Variants in SEPTIN9 observed in about 807,000 individuals in gnomAD.
The protein encoded by SEPTIN9 is septin-9.
In SEPTIN9, 13 loss-of-function variants were observed where a neutral mutation model predicts 56.6. The observed-to-expected ratio is 0.23, with a 90% CI of 0.15 to 0.37. The LOEUF is 0.37. SEPTIN9 is among the 10% of genes least tolerant of loss of function. The pLI, the probability that SEPTIN9 is intolerant of heterozygous loss-of-function variation, is 1.00. For missense variants in SEPTIN9, 650 were observed against 823.1 expected (o/e 0.79, Z 2.57); for synonymous variants, 332 against 334.1 (o/e 0.99, Z 0.07).
At chr17:77,394,240 G>C (rs1461526889) in intron 2 of SEPTIN9, among the ~76,000 whole-genome samples, 1 of 152,170 alleles carries the variant, frequency 6.6e-6, no homozygotes, top group East Asian at 1.9e-4. Context: ...TGTCACAGGA[G>C]AGTGAAGACA....
At chr17:77,396,865 G>A (rs546152031) in intron 2 of SEPTIN9, 4 of 153,496 alleles carry the variant, frequency 2.6e-5, no homozygotes, top group Admixed American at 6.5e-5. Flanking sequence ...CAACCATCTG[G>A]GGTTTTTGTG....
At chr17:77,297,079 A>G (rs775838201) in intron 1 of SEPTIN9, among the ~76,000 whole-genome samples, 1 of 152,174 alleles carries the variant, frequency 6.6e-6, no homozygotes, top group African/African-American at 2.4e-5. Flanking sequence ...ATAGATAGGA[A>G]GGAATTTATT....
intron 2 of SEPTIN9, among the ~76,000 whole-genome samples, chr17:77,334,320 G>A (rs1050129975): frequency 6.6e-6 from 1 of 151,728 alleles, no homozygotes; most frequent in African/African-American, 2.4e-5. Context: ...TAATCGGGAG[G>A]CCGAGGCAGG....
At chr17:77,410,084 G>A (rs2036239614) in intron 3 of SEPTIN9, among the ~76,000 whole-genome samples, 1 of 152,152 alleles carries the variant, frequency 6.6e-6, no homozygotes, top group African/African-American at 2.4e-5. Context: ...GGCTCCTGGG[G>A]TATGGGCTGT....
At chr17:77,399,207 C>T (rs2035824316) in intron 2 of SEPTIN9, among the ~76,000 whole-genome samples, 1 of 152,186 alleles carries the variant, frequency 6.6e-6, no homozygotes, top group Non-Finnish European at 1.5e-5. Flanking sequence ...TGCTTTGGTG[C>T]AGTGTCTTCG....
chr17:77,282,533 G>A (rs1417058524), intron 1 of SEPTIN9, among the ~76,000 whole-genome samples: 3 of 152,192 alleles, frequency 2.0e-5, no homozygotes, highest in Non-Finnish European at 4.4e-5. Context: ...AGGAGTCATC[G>A]GGGCCATCCC....
intron 2 of SEPTIN9, among the ~76,000 whole-genome samples, chr17:77,399,217 G>A (rs181239467): frequency 1.3e-4 from 20 of 152,326 alleles, no homozygotes; most frequent in Non-Finnish European, 2.6e-4. Context: ...CAGTGTCTTC[G>A]ATCATGAGTT....
chr17:77,324,816 G>A (rs1433212684), intron 2 of SEPTIN9, among the ~76,000 whole-genome samples: 1 of 105,576 alleles, frequency 9.5e-6, no homozygotes, highest in Non-Finnish European at 1.8e-5. Flanking sequence ...CCTTTGATAT[G>A]CAATTTTTTT....
chr17:77,302,535 G>A lies in SEPTIN9; in HGVS notation c.20-4606G>A, dbSNP rs547192625. ...TCTACTAAAAATACAAAAATTAGCC[G>A]GGCGTGGTAGTGCATGCTTGTAATC... On this transcript the variant is annotated intron_variant, in intron 1 of 11. Coordinates refer to ENST00000427177, the MANE Select transcript of SEPTIN9 (RefSeq NM_001113491.2). Among the ~76,000 whole-genome samples the A allele has an allele frequency of 3.9e-5, 6 of 152,126 alleles. No homozygotes were observed. The East Asian group carries it at 5.8e-4, about 15-fold the overall frequency.
chr17:77,419,078 C>T (rs542904354), intron 3 of SEPTIN9, among the ~76,000 whole-genome samples: 32 of 152,324 alleles, frequency 2.1e-4, no homozygotes, highest in African/African-American at 7.2e-4. Context: ...TCTTCTCTGC[C>T]GATGTTCCTG....
chr17:77,332,614 G>C lies in SEPTIN9; in HGVS notation c.76+25417G>C, dbSNP rs148970823. On this transcript the variant is annotated intron_variant, in intron 2 of 11. Coordinates refer to ENST00000427177, the MANE Select transcript of SEPTIN9 (RefSeq NM_001113491.2). The stretch of plus-strand genomic sequence containing the variant: ...TTTGAATTTTAACAAAGGTATCCAC[G>C]TGTATCCCAGCCTGACCAGAACATA... Among the ~76,000 whole-genome samples the C allele has an allele frequency of 4.4e-3, 668 of 152,264 alleles. 3 individuals are homozygous for C. Among genetic ancestry groups the C allele is most frequent in the Non-Finnish European group, 7.2e-3 (493 of 68,020 alleles).
rs200612428 is a variant in SEPTIN9, at chr17:77,489,047, C to T, written c.1262+183C>T. Among the ~76,000 whole-genome samples the T allele has an allele frequency of 0.031, 3,317 of 107,660 alleles. 114 individuals are homozygous for T. The highest frequency in any genetic ancestry group is 0.14 in the African/African-American group (3,124 of 23,050). 70.6% of individuals were successfully genotyped at this position (107,660 alleles called of 152,430 possible). A position where few individuals can be genotyped will look rare whatever the true frequency, so the allele number is the denominator to read the frequency against. Reference sequence around the variant, plus strand: ...TGCACCTCCAAAGCCTCACACTGACCCCTATGCAAGTGTCCTGCCCAGCCC... The same window carrying T: ...TGCACCTCCAAAGCCTCACACTGACTCCTATGCAAGTGTCCTGCCCAGCCC... On this transcript the variant is annotated intron_variant, in intron 7 of 11. Coordinates refer to ENST00000427177, the MANE Select transcript of SEPTIN9 (RefSeq NM_001113491.2).
At chr17:77,463,988 C>T (rs1414431182) in intron 3 of SEPTIN9, among the ~76,000 whole-genome samples, 1 of 152,182 alleles carries the variant, frequency 6.6e-6, no homozygotes, top group Non-Finnish European at 1.5e-5. Context: ...TTTGATGAAT[C>T]TGATTTTTCC....
rs896803286 is a variant in SEPTIN9, at chr17:77,402,019, C to T, written c.77-40C>T. The T allele has an allele frequency of 1.9e-6, 3 of 1,592,964 alleles. No individual in the cohort carries two copies. The highest frequency in any genetic ancestry group is 2.2e-5 in the South Asian group (2 of 89,142). On this transcript the variant is annotated intron_variant, in intron 2 of 11. Coordinates refer to ENST00000427177, the MANE Select transcript of SEPTIN9 (RefSeq NM_001113491.2). The surrounding 1 kb of genome is among the most constrained non-coding windows in gnomAD (Gnocchi z 6.6). ...GAAACATGCCGGAGTGTTCCCTAGC[C>T]ATCCATTCACCAATTGCATCCCCTC...
chr17:77,494,094 T>C (rs2040154366), intron 10 of SEPTIN9, among the ~76,000 whole-genome samples: 1 of 152,200 alleles, frequency 6.6e-6, no homozygotes, highest in Admixed American at 6.5e-5. Context: ...TTCTTGTCTT[T>C]GGACAAGGAT....
rs1429881577 is a variant in SEPTIN9 at position 77,482,226 on chromosome 17, G to A, written c.804G>A (p.Arg268=). The A allele has an allele frequency of 1.9e-6, 3 of 1,612,866 alleles. No homozygotes were observed. The highest frequency in any genetic ancestry group is 2.5e-6 in the Non-Finnish European group (3 of 1,179,804). ...GGCTCAAGCAGGCGCCTGCATCACG[G>A]AACGAGAAGGCCCCGGTGGACTTCG... The part of the protein sequence containing the change: ...DAGLKQAPAS[R]NEKAPVDFGY... The change falls in exon 4 of 12, where the codon CGG becomes CGA. Residue 268 remains arginine (R), a synonymous_variant. Coordinates refer to ENST00000427177, the MANE Select transcript of SEPTIN9 (RefSeq NM_001113491.2).
At chr17:77,392,978 G>T (rs2035593275) in intron 2 of SEPTIN9, among the ~76,000 whole-genome samples, 1 of 151,986 alleles carries the variant, frequency 6.6e-6, no homozygotes, top group Non-Finnish European at 1.5e-5. Context: ...CCCCAACTGT[G>T]TCCTCCTCCC....
intron 4 of SEPTIN9, 59 bp downstream of exon 4, chr17:77,482,394 G>A (rs1385013620): frequency 4.5e-6 from 7 of 1,568,814 alleles, no homozygotes; most frequent in Non-Finnish European, 5.2e-6. Flanking sequence ...CAGCCCCCAG[G>A]GCGGCCCACA....
At chr17:77,392,004 G>T (rs964068500) in intron 2 of SEPTIN9, among the ~76,000 whole-genome samples, 6 of 152,212 alleles carry the variant, frequency 3.9e-5, no homozygotes, top group Non-Finnish European at 7.3e-5. Flanking sequence ...AAGGAATGCT[G>T]TGGGCTGCTG....
Sources: allele counts gnomAD v4.1 joint callset (sites outside exome capture counted in the v4.1 genomes callset), GRCh38; gene constraint gnomAD v4.1.1; non-coding constraint Gnocchi (gnomAD v3.1); transcripts MANE v1.5; gene names NCBI Gene and HGNC (gene_info 2026-07-23, HGNC 2026-07-21).